Variants in SLCO1A2 observed in about 807,000 individuals in gnomAD.
SLCO1A2 encodes the protein OATP-1.
A neutral mutation model predicts 69.0 loss-of-function variants in SLCO1A2; 67 were observed. That is an observed-to-expected ratio of 0.97 (90% confidence interval 0.80 to 1.19). The LOEUF is 1.19. SLCO1A2 is among the 50% of genes most tolerant of loss of function. The pLI, the probability that SLCO1A2 is intolerant of heterozygous loss-of-function variation, is 0.00. For missense variants in SLCO1A2, 787 were observed against 793.7 expected (o/e 0.99, Z 0.10); for synonymous variants, 260 against 265.9 (o/e 0.98, Z 0.22).
At chr12:21,286,565 CA>C (rs1242840321) in intron 12 of SLCO1A2, among the ~76,000 whole-genome samples, 1 of 104,676 alleles carries the variant, frequency 9.6e-6, no homozygotes, top group Non-Finnish European at 1.9e-5. Flanking sequence ...AATCCTAAGC[CA>C]AAAGAACAAA....
At chr12:21,392,870 A>G (rs1195599877) in intron 1 of SLCO1A2, among the ~76,000 whole-genome samples, 1 of 152,162 alleles carries the variant, frequency 6.6e-6, no homozygotes, top group African/African-American at 2.4e-5. Flanking sequence ...TGAAAAGCCA[A>G]CCTCTCTGAA....
intron 8 of SLCO1A2, among the ~76,000 whole-genome samples, chr12:21,300,094 G>A (rs1280386512): frequency 8.0e-6 from 1 of 125,468 alleles, no homozygotes; most frequent in African/African-American, 2.5e-5. Flanking sequence ...AAGAGAGAGA[G>A]AGAGGAGAGT....
rs544929427 is a variant in SLCO1A2, at chr12:21,370,341, T to TA, written c.-63+4057dup. On this transcript the variant is annotated intron_variant, in intron 2 of 15. Coordinates refer to the SLCO1A2 transcript ENST00000307378. Reference sequence around the variant, plus strand: ...CCAGGTCTTCCTTTTCTTTTTTTTTTATTATACTTTAAGTTTTAGGGTACA... The same window carrying TA: ...CCAGGTCTTCCTTTTCTTTTTTTTTTAATTATACTTTAAGTTTTAGGGTACA... Among the ~76,000 whole-genome samples, 20 of 152,152 alleles carry TA rather than the reference T, an allele frequency of 1.3e-4. No homozygotes were observed. In the East Asian group the frequency reaches 1.5e-3, roughly 12 times the overall value.
intron 2 of SLCO1A2, among the ~76,000 whole-genome samples, chr12:21,368,886 C>A (rs1436055471): frequency 6.6e-6 from 1 of 152,008 alleles, no homozygotes; most frequent in African/African-American, 2.4e-5. Context: ...GAATCTTCTT[C>A]TTCTAATATG....
intron 2 of SLCO1A2, among the ~76,000 whole-genome samples, chr12:21,355,837 G>A (rs1029299644): frequency 2.0e-5 from 3 of 151,938 alleles, no homozygotes; most frequent in Non-Finnish European, 4.4e-5. Flanking sequence ...TATATAAAAT[G>A]GTTAAAAGAT....
chr12:21,325,082 T>C (rs1175417090), intron 2 of SLCO1A2, among the ~76,000 whole-genome samples: 1 of 152,174 alleles, frequency 6.6e-6, no homozygotes, highest in Non-Finnish European at 1.5e-5. Flanking sequence ...TCTTTTACCA[T>C]AAGCCCTAAT....
At chr12:21,400,638 C>A (rs1431115430) in intron 1 of SLCO1A2, among the ~76,000 whole-genome samples, 1 of 150,356 alleles carries the variant, frequency 6.7e-6, no homozygotes, top group Non-Finnish European at 1.5e-5. Context: ...AAATGTCCAA[C>A]AATGATAGAC....
chr12:21,327,640 A>G (rs989421897), intron 2 of SLCO1A2, among the ~76,000 whole-genome samples: 1 of 152,144 alleles, frequency 6.6e-6, no homozygotes, highest in South Asian at 2.1e-4. Flanking sequence ...TTGACTGCTC[A>G]CTGGATTTCA....
chr12:21,286,012 A>T (rs2136231653), intron 12 of SLCO1A2, among the ~76,000 whole-genome samples: 2 of 152,250 alleles, frequency 1.3e-5, no homozygotes, highest in Middle Eastern at 6.8e-3. Context: ...TGGCCAGGGC[A>T]ATCAGGCAGG....
chr12:21,391,565 A>G (rs1329298137), intron 1 of SLCO1A2, among the ~76,000 whole-genome samples: 1 of 152,154 alleles, frequency 6.6e-6, no homozygotes, highest in Non-Finnish European at 1.5e-5. Context: ...TTTACATTTG[A>G]AAAGGATAGT....
intron 3 of SLCO1A2, among the ~76,000 whole-genome samples, chr12:21,317,105 A>G (rs1950974641): frequency 6.6e-6 from 1 of 152,144 alleles, no homozygotes; most frequent in Non-Finnish European, 1.5e-5. Flanking sequence ...AATTAAAATT[A>G]TTACTCCGGG....
chr12:21,313,100 T>G (rs1031080125), intron 4 of SLCO1A2, among the ~76,000 whole-genome samples: 1 of 151,906 alleles, frequency 6.6e-6, no homozygotes, highest in African/African-American at 2.4e-5. Flanking sequence ...CATAAATAAA[T>G]AAATCACCAT....
intron 8 of SLCO1A2, 31 bp downstream of exon 8, chr12:21,300,317 A>G (rs1374040175): frequency 1.4e-6 from 2 of 1,470,322 alleles, no homozygotes; most frequent in Admixed American, 1.8e-5. Flanking sequence ...TAAAAGGTCA[A>G]TTTCATAGTA....
chr12:21,378,071 C>A (rs1435505627), intron 1 of SLCO1A2, among the ~76,000 whole-genome samples: 1 of 150,966 alleles, frequency 6.6e-6, no homozygotes, highest in African/African-American at 2.4e-5. Context: ...TTCAAGGTGT[C>A]AAAAAAAAAT....
chr12:21,403,319 TCTTATA>T (rs997277289), intron 1 of SLCO1A2: 11 of 152,214 alleles, frequency 7.2e-5, no homozygotes, highest in Non-Finnish European at 1.3e-4. Flanking sequence ...ACCCAAAGAA[TCTTATA>T]CTTATAACTA....
rs761347035 is a variant in SLCO1A2, at chr12:21,269,508, C to A, written c.*40G>T. ...TTTTTAAAACAATTAAGTTGTACAGCATGTTCTCTAATTCTGAAAAAAGTA... is the reference window on the plus strand; with the variant it reads ...TTTTTAAAACAATTAAGTTGTACAGAATGTTCTCTAATTCTGAAAAAAGTA... On this transcript the variant is annotated 3_prime_UTR_variant, in exon 15 of 15. Coordinates refer to ENST00000683939, the MANE Select transcript of SLCO1A2 (RefSeq NM_001386879.1). The A allele has an allele frequency of 1.4e-6, 2 of 1,438,210 alleles. No individual in the cohort carries two copies. The highest frequency in any genetic ancestry group is 1.7e-5 in the Admixed American group (1 of 57,736). 89.1% of individuals were successfully genotyped at this position (1,438,210 alleles called of 1,614,324 possible).
At chr12:21,280,414 A>G (rs927720647) in intron 12 of SLCO1A2, among the ~76,000 whole-genome samples, 1 of 152,138 alleles carries the variant, frequency 6.6e-6, no homozygotes, top group African/African-American at 2.4e-5. Context: ...AAACCAAAAA[A>G]GAGCAGGAGT....
rs571456769 is a variant in SLCO1A2, at chr12:21,323,052, T to C, written c.61-4129A>G. On this transcript the variant is annotated intron_variant, in intron 2 of 14. Coordinates refer to ENST00000683939, the MANE Select transcript of SLCO1A2 (RefSeq NM_001386879.1). ...AAAAGACTTATAGCAAATTAAATGTTCTAGGCCAGATAGGAATGGACATGG... is the reference window on the plus strand; with the variant it reads ...AAAAGACTTATAGCAAATTAAATGTCCTAGGCCAGATAGGAATGGACATGG... Among the ~76,000 whole-genome samples the C allele has an allele frequency of 2.0e-5, 3 of 152,242 alleles. No individual in the cohort carries two copies. The East Asian group carries it at 5.8e-4, about 29-fold the overall frequency.
At chr12:21,360,672 C>A (rs574803669) in intron 2 of SLCO1A2, among the ~76,000 whole-genome samples, 71 of 152,278 alleles carry the variant, frequency 4.7e-4, no homozygotes, top group African/African-American at 1.7e-3. Context: ...CCTGGAAAAT[C>A]GGGACACTCC....
Sources: gnomAD v4.1 joint callset for allele counts (sites outside exome capture counted in the v4.1 genomes callset) on GRCh38, gnomAD v4.1.1 for gene constraint, MANE v1.5 for transcripts, NCBI Gene and HGNC (gene_info 2026-07-23, HGNC 2026-07-21) for gene names.